MAML2: variants seen among roughly 807,000 people sequenced by gnomAD.
MAML2 encodes the protein mastermind like transcriptional coactivator 2, also known as mastermind-like protein 2.
A neutral mutation model predicts 96.1 loss-of-function variants in MAML2; 22 were observed. That is an observed-to-expected ratio of 0.23 (90% CI 0.16 to 0.33). The LOEUF (loss-of-function observed/expected upper bound fraction) is 0.33. Among genes scored for constraint, MAML2 ranks in the 10% least tolerant of loss-of-function variants. The pLI is 1.00. For missense variants in MAML2, 1,367 were observed against 1,392.4 expected, an observed-to-expected ratio of 0.98 and a Z score of 0.29; for synonymous variants, 561 against 521.3, an observed-to-expected ratio of 1.08 and a Z score of -1.04.
At chr11:96,142,265 T>G (rs1246182671) in intron 1 of MAML2, among the ~76,000 whole-genome samples, 2 of 151,936 alleles carry the variant, frequency 1.3e-5, no homozygotes, top group East Asian at 3.9e-4. Context: ...GGAGGAAGAG[T>G]CCATATGAGG....
chr11:96,047,810 T>A (rs1590980733), intron 2 of MAML2, among the ~76,000 whole-genome samples: 3 of 143,650 alleles, frequency 2.1e-5, no homozygotes, highest in South Asian at 2.2e-4. Flanking sequence ...TACTCGGGAG[T>A]CTGAGGCAGG....
intron 1 of MAML2, among the ~76,000 whole-genome samples, chr11:96,233,197 C>T (rs1862320462): frequency 6.6e-6 from 1 of 152,138 alleles, no homozygotes; most frequent in South Asian, 2.1e-4. Context: ...TATACTGATA[C>T]TGGATTTGTT....
intron 2 of MAML2, among the ~76,000 whole-genome samples, chr11:96,059,465 G>A (rs1859120171): frequency 1.3e-5 from 2 of 152,162 alleles, no homozygotes; most frequent in Admixed American, 1.3e-4. Flanking sequence ...ATGATAAATT[G>A]TAAGGTTGAG....
intron 2 of MAML2, among the ~76,000 whole-genome samples, chr11:96,037,202 C>CG (rs1419245906): frequency 9.7e-5 from 14 of 144,522 alleles, no homozygotes; most frequent in Non-Finnish European, 1.5e-4. Context: ...AAAACAACAA[C>CG]AACAAAAAAA....
In MAML2 at chr11:96,160,445, G is replaced by A. The variant is rs905056820; in HGVS notation, c.514-66928C>T. ...TTTTCCAATTTTTTTTTTTTTTTTT[G>A]GAGACAGAGTCTTACTCTGTCACCC... On this transcript the variant is annotated intron_variant, in intron 1 of 4. Transcript: ENST00000524717. Among the ~76,000 whole-genome samples the A allele has an allele frequency of 2.3e-3, 228 of 98,276 alleles. 1 individual carries two copies. Among genetic ancestry groups the A allele is most frequent in the African/African-American group, 7.9e-3 (201 of 25,506 alleles). 64.5% of individuals were successfully genotyped at this position (98,276 alleles called of 152,430 possible).
In MAML2 at chr11:96,033,791, G is replaced by A. The variant is rs1006218358; in HGVS notation, c.2140-42068C>T. On this transcript the variant is annotated intron_variant, in intron 2 of 4. Transcript: ENST00000524717. Reference sequence around the variant, plus strand: ...TTGGCTGGGTTTCATCTCTCATCACGAGATTTTTTTCAGAGAGCTCTTGGA... The same window carrying A: ...TTGGCTGGGTTTCATCTCTCATCACAAGATTTTTTTCAGAGAGCTCTTGGA... 2.6e-5 allele frequency among the ~76,000 whole-genome samples: 4 copies of A among 152,114 alleles called. No individual in the cohort carries two copies. In the East Asian group the frequency reaches 7.7e-4, roughly 29 times the overall value.
Position 96,312,707 on chromosome 11 carries a change from T to C in MAML2, c.513+28676A>G, listed in dbSNP as rs887338366. Among the ~76,000 whole-genome samples the C allele has an allele frequency of 4.6e-5, 7 of 152,354 alleles. No individual in the cohort carries two copies. In the South Asian group the frequency reaches 1.4e-3, roughly 32 times the overall value. ...TACATAAAATTTACCATTTTAATCA[T>C]TTGTAAGTGTACAAGTCTGTGGCAT... On this transcript the variant is annotated intron_variant, in intron 1 of 4. Transcript: ENST00000524717.
At chr11:96,284,075 T>C (rs1023237652) in intron 1 of MAML2, among the ~76,000 whole-genome samples, 2 of 152,208 alleles carry the variant, frequency 1.3e-5, no homozygotes, top group Non-Finnish European at 2.9e-5. Context: ...TTTGAGACTA[T>C]ATAATATCAC....
chr11:96,010,536 A>C (rs1482375845), intron 2 of MAML2, among the ~76,000 whole-genome samples: 1 of 152,182 alleles, frequency 6.6e-6, no homozygotes, highest in African/African-American at 2.4e-5. Context: ...TACATTTTAG[A>C]TTTCTTGAGG....
chr11:96,193,665 C>G (rs926236541), intron 1 of MAML2, among the ~76,000 whole-genome samples: 5 of 152,052 alleles, frequency 3.3e-5, no homozygotes, highest in Admixed American at 2.6e-4. Flanking sequence ...GAAGTGCTCT[C>G]CCGTGTAACA....
chr11:96,083,233 C>T (rs1859555950), intron 2 of MAML2, among the ~76,000 whole-genome samples: 1 of 152,180 alleles, frequency 6.6e-6, no homozygotes, highest in Admixed American at 6.5e-5. Context: ...ACATTCAATG[C>T]ATTTGAATTA....
chr11:95,988,006 T>A (rs1591078400), intron 3 of MAML2, among the ~76,000 whole-genome samples: 1 of 78 alleles, frequency 0.013, no homozygotes, highest in South Asian at 0.25. Flanking sequence ...AGATGACAGT[T>A]TTGATTTTAT....
chr11:96,170,775 C>A (rs527430496), intron 1 of MAML2, among the ~76,000 whole-genome samples: 3 of 152,070 alleles, frequency 2.0e-5, no homozygotes, highest in African/African-American at 7.2e-5. Context: ...AGTGCAGTGG[C>A]GTGATCTTGG....
chr11:96,109,476 A>G (rs1409897360), intron 1 of MAML2, among the ~76,000 whole-genome samples: 2 of 152,206 alleles, frequency 1.3e-5, no homozygotes, highest in Non-Finnish European at 2.9e-5. Context: ...GCACTCAGTA[A>G]GAGAGAGTGA....
chr11:96,009,701 C>T (rs1858238564), intron 2 of MAML2, among the ~76,000 whole-genome samples: 1 of 152,136 alleles, frequency 6.6e-6, no homozygotes, highest in Non-Finnish European at 1.5e-5. Context: ...CAGTTATTTA[C>T]CTGTAAACAT....
At chr11:96,147,250 A>C (rs1860835897) in intron 1 of MAML2, among the ~76,000 whole-genome samples, 1 of 152,222 alleles carries the variant, frequency 6.6e-6, no homozygotes, top group African/African-American at 2.4e-5. Context: ...TCTCCCAGCT[A>C]CCCACAAATC....
intron 1 of MAML2, among the ~76,000 whole-genome samples, chr11:96,110,271 G>A (rs1034319798): frequency 2.0e-5 from 3 of 152,208 alleles, no homozygotes; most frequent in Admixed American, 6.5e-5. Flanking sequence ...TGGCTAGAGA[G>A]AGTTACAGGG....
At chr11:96,062,925 A>T (rs1368050950) in intron 2 of MAML2, among the ~76,000 whole-genome samples, 1 of 152,200 alleles carries the variant, frequency 6.6e-6, no homozygotes, top group Non-Finnish European at 1.5e-5. Flanking sequence ...GAAGCCAAAT[A>T]TGATTATGTT....
intron 2 of MAML2, among the ~76,000 whole-genome samples, chr11:96,074,350 A>G (rs1859398375): frequency 6.6e-6 from 1 of 152,220 alleles, no homozygotes; most frequent in Admixed American, 6.5e-5. Context: ...AAGTTCAAAG[A>G]GTTACCCAGA....
Sources: gnomAD v4.1 joint callset for allele counts (sites outside exome capture counted in the v4.1 genomes callset) on GRCh38, gnomAD v4.1.1 for gene constraint, MANE v1.5 for transcripts, NCBI Gene and HGNC (gene_info 2026-07-23, HGNC 2026-07-21) for gene names.